MIB1: variants seen among roughly 807,000 people sequenced by gnomAD.
MIB1 encodes the protein E3 ubiquitin-protein ligase MIB1.
MIB1 carries 278 observed loss-of-function variants against 124.5 expected under a neutral mutation model. The ratio of observed to expected loss-of-function variants is 2.23; its 90% CI spans 2.02 to 2.47. MIB1 has a LOEUF of 2.47. Ranked by LOEUF, MIB1 falls within the 30% of genes most tolerant of loss-of-function variation. The pLI is 0.00. For missense variants in MIB1, 957 were observed against 1,254.4 expected (o/e 0.76, Z 3.58); for synonymous variants, 446 against 429.4 (o/e 1.04, Z -0.48).
chr18:21,837,810 T>A (rs1164722088), intron 12 of MIB1, among the ~76,000 whole-genome samples: 1 of 152,240 alleles, frequency 6.6e-6, no homozygotes, highest in African/African-American at 2.4e-5. Flanking sequence ...ACTTTGCAAT[T>A]CATGATAACC....
chr18:21,854,760 C>G (rs918716227), intron 18 of MIB1: 1 of 163,482 alleles, frequency 6.1e-6, no homozygotes, highest in African/African-American at 2.4e-5. Flanking sequence ...ATGGAAACAC[C>G]ATTGGTCGTG....
At chr18:21,778,216 C>A in intron 5 of MIB1, 47 bp downstream of exon 5, 1 of 1,277,626 alleles carries the variant, frequency 7.8e-7, no homozygotes, top group South Asian at 1.2e-5. Context: ...GGTCAGAGTT[C>A]GTGGAATCAG....
chr18:21,861,074 A>T (rs1320755122), intron 20 of MIB1, among the ~76,000 whole-genome samples: 1 of 151,946 alleles, frequency 6.6e-6, no homozygotes, highest in Non-Finnish European at 1.5e-5. Context: ...TGAATGTATG[A>T]ATTTATTAGG....
chr18:21,768,649 C>G lies in MIB1; in HGVS notation c.428C>G (p.Ser143Cys), dbSNP rs998715664. The G allele has an allele frequency of 1.3e-6, 2 of 1,587,822 alleles. No individual in the cohort carries two copies. The highest frequency in any genetic ancestry group is 2.7e-5 in the African/African-American group (2 of 74,456). Residue 143 changes from serine (S) to cysteine (C), a missense_variant, in exon 3 of 21, where the codon TCT becomes TGT. Physicochemically the swap from Ser to Cys is moderately radical, Grantham distance 112. Coordinates refer to ENST00000261537, the MANE Select transcript of MIB1 (RefSeq NM_020774.4). ...ERVLLESRRKSKKITARGIFA... is the reference protein window; with the variant it reads ...ERVLLESRRKCKKITARGIFA... ...GTTCTGTTAGAGTCTCGTAGGAAATCTAAGAAGATTACAGCCAGAGGAATC... is the reference window on the plus strand; with the variant it reads ...GTTCTGTTAGAGTCTCGTAGGAAATGTAAGAAGATTACAGCCAGAGGAATC...
In MIB1 at chr18:21,798,074, T is replaced by C; in HGVS notation, c.1093-10T>C. 1.2e-6 allele frequency: 2 copies of C among 1,612,014 alleles called. No individual in the cohort carries two copies. Among genetic ancestry groups the C allele is most frequent in the Non-Finnish European group, 1.7e-6 (2 of 1,178,626 alleles). On this transcript the variant is annotated splice_polypyrimidine_tract_variant and intron_variant, in intron 7 of 20. Coordinates refer to ENST00000261537, the MANE Select transcript of MIB1 (RefSeq NM_020774.4). ...AGACTTGGAAACATGAATCTATTTT[T>C]TTCCCCAAGACTTTAGGTAAAGTTG...
chr18:21,712,025 C>G (rs1325644718), intron 1 of MIB1: 1 of 163,208 alleles, frequency 6.1e-6, no homozygotes, highest in Non-Finnish European at 1.4e-5. Context: ...AATGCTGTTA[C>G]GTTTATTCTT....
At chr18:21,810,771 T>C (rs914637763) in intron 10 of MIB1, among the ~76,000 whole-genome samples, 9 of 151,732 alleles carry the variant, frequency 5.9e-5, no homozygotes, top group African/African-American at 9.7e-5. Context: ...GATATAAAAC[T>C]ATAAACCTTT....
chr18:21,748,348 C>T (rs1451021582), intron 1 of MIB1, among the ~76,000 whole-genome samples: 1 of 143,162 alleles, frequency 7.0e-6, no homozygotes. Flanking sequence ...TGCTTTTCTT[C>T]CTCTCTCCCT....
intron 1 of MIB1, among the ~76,000 whole-genome samples, chr18:21,728,980 A>G (rs568293027): frequency 3.0e-4 from 46 of 152,332 alleles, no homozygotes; most frequent in African/African-American, 8.7e-4. Context: ...CCACAACTCA[A>G]AGAATGTCGT....
rs956721546 is a variant in MIB1 at position 21,741,324 on chromosome 18, C to A, written c.-260C>A. 1 of 171,372 alleles carries A rather than the reference C, an allele frequency of 5.8e-6. No homozygotes were observed. The allele number at this position is 171,372 out of a possible 1,614,324, so 10.6% of individuals were successfully genotyped here. A position where few individuals can be genotyped will look rare whatever the true frequency, so the allele number is the denominator to read the frequency against. On this transcript the variant is annotated 5_prime_UTR_variant, in exon 1 of 21. Transcript: ENST00000261537. The surrounding 1 kb of genome is among the most constrained non-coding windows in gnomAD (Gnocchi z 5.4). ...CGCCCACGGCCCCCTCCCCTCTGCC[C>A]GCTCTCCGCCGCCGCCTCCGAGCAG...
intron 10 of MIB1, among the ~76,000 whole-genome samples, chr18:21,808,230 C>CT (rs1474300093): frequency 6.6e-6 from 1 of 152,222 alleles, no homozygotes; most frequent in East Asian, 1.9e-4. Flanking sequence ...GGTAACCTTT[C>CT]TTTTTTATAT....
At chr18:21,754,260 T>G (rs918758004) in intron 1 of MIB1, among the ~76,000 whole-genome samples, 1 of 152,226 alleles carries the variant, frequency 6.6e-6, no homozygotes, top group African/African-American at 2.4e-5. Flanking sequence ...AGTCCCCCTT[T>G]ATCCATCCTC....
intron 1 of MIB1, among the ~76,000 whole-genome samples, chr18:21,727,893 A>C (rs1459988317): frequency 6.6e-6 from 1 of 152,174 alleles, no homozygotes; most frequent in Non-Finnish European, 1.5e-5. Flanking sequence ...ATGAACTTGG[A>C]AGAGGACCCT....
intron 1 of MIB1, among the ~76,000 whole-genome samples, chr18:21,734,742 T>C: frequency 6.6e-6 from 1 of 152,112 alleles, no homozygotes; most frequent in East Asian, 1.9e-4. Flanking sequence ...TTGACCAGGC[T>C]GGCCTCGAAC....
chr18:21,841,285 T>C (rs2042086935), intron 13 of MIB1, among the ~76,000 whole-genome samples: 1 of 152,180 alleles, frequency 6.6e-6, no homozygotes, highest in Non-Finnish European at 1.5e-5. Context: ...GAGAATTGCT[T>C]GAACCCAGCA....
At chr18:21,767,441 T>C (rs2041174540) in intron 2 of MIB1, among the ~76,000 whole-genome samples, 1 of 152,126 alleles carries the variant, frequency 6.6e-6, no homozygotes, top group South Asian at 2.1e-4. Flanking sequence ...ACTGGGTCCC[T>C]CCCTCGACGT....
intron 9 of MIB1, among the ~76,000 whole-genome samples, chr18:21,803,410 A>G (rs986607573): frequency 2.6e-5 from 4 of 152,228 alleles, no homozygotes; most frequent in African/African-American, 7.2e-5. Context: ...TAATAGTTGT[A>G]TATAACTACC....
rs374818608 is a variant in MIB1, at chr18:21,857,121, G to A, written c.2666-9G>A. On this transcript the variant is annotated splice_polypyrimidine_tract_variant and intron_variant, in intron 18 of 20. Coordinates refer to ENST00000261537, the MANE Select transcript of MIB1 (RefSeq NM_020774.4). Reference sequence around the variant, plus strand: ...TCTTGTAAGAAGTGTCTGTGTTACCGTTTTCCAGACTGTGCTAACCTGATG... The same window carrying A: ...TCTTGTAAGAAGTGTCTGTGTTACCATTTTCCAGACTGTGCTAACCTGATG... 6.2e-6 allele frequency: 10 copies of A among 1,600,920 alleles called. No individual in the cohort carries two copies. The highest frequency in any genetic ancestry group is 2.2e-5 in the East Asian group (1 of 44,824).
intron 1 of MIB1, among the ~76,000 whole-genome samples, chr18:21,717,980 A>G (rs1416829828): frequency 6.6e-6 from 1 of 152,236 alleles, no homozygotes; most frequent in African/African-American, 2.4e-5. Flanking sequence ...TTGTAAAAAT[A>G]TAGAACCAAC....
Sources: allele counts gnomAD v4.1 joint callset (sites outside exome capture counted in the v4.1 genomes callset), GRCh38; gene constraint gnomAD v4.1.1; non-coding constraint Gnocchi (gnomAD v3.1); transcripts MANE v1.5; gene names NCBI Gene and HGNC (gene_info 2026-07-23, HGNC 2026-07-21).